MED15: variants seen among roughly 807,000 people sequenced by gnomAD.
MED15 encodes the protein mediator of RNA polymerase II transcription subunit 15.
A neutral mutation model predicts 118.7 loss-of-function variants in MED15; 41 were observed. That is an observed-to-expected ratio of 0.35 (90% CI 0.27 to 0.45). The LOEUF is 0.45. MED15 is among the 20% of genes least tolerant of loss of function. The pLI, the probability that MED15 is intolerant of heterozygous loss-of-function variation, is 1.00. For synonymous variants in MED15, 436 were observed against 413.9 expected (o/e 1.05, Z -0.65); for missense variants, 740 against 1,025.5 (o/e 0.72, Z 3.80).
In MED15 at chr22:20,584,337, C is replaced by T. The variant is rs1180477748; in HGVS notation, c.1737-22C>T. On this transcript the variant is annotated intron_variant, in intron 13 of 17. Transcript: ENST00000263205. ...ACTGCCATGTCTTCCACTCTTTCAG[C>T]CCAAGTCCTCTCTCTCTGCAGGTGT... 1.2e-5 allele frequency: 19 copies of T among 1,612,592 alleles called. No homozygotes were observed. The South Asian group carries it at 2.0e-4, about 17-fold the overall frequency.
At chr22:20,544,958 A>G (rs746115707) in intron 2 of MED15, among the ~76,000 whole-genome samples, 25 of 152,134 alleles carry the variant, frequency 1.6e-4, no homozygotes, top group Admixed American at 2.0e-4. Context: ...GATACATGCA[A>G]TTGCACTTGG....
At chr22:20,535,839 G>C (rs182479125) in intron 1 of MED15, among the ~76,000 whole-genome samples, 13 of 149,066 alleles carry the variant, frequency 8.7e-5, no homozygotes, top group South Asian at 2.1e-4. Context: ...GACTACAGGC[G>C]TGAGCCACCG....
rs539002398 is a variant in MED15, at chr22:20,519,949, T to A, written c.68+12203T>A. On this transcript the variant is annotated intron_variant, in intron 1 of 17. Transcript: ENST00000263205. ...TGTCTTTTTAATTTTAATTTTTTTT[T>A]AACTAGCCCTTCTCTTTGGCAGGAT... is the stretch of plus-strand genomic sequence containing the variant. Among the ~76,000 whole-genome samples the A allele has an allele frequency of 1.9e-4, 29 of 152,312 alleles. 1 individual carries two copies. The highest frequency in any genetic ancestry group is 7.0e-4 in the African/African-American group (29 of 41,568).
intron 1 of MED15, among the ~76,000 whole-genome samples, chr22:20,516,409 T>C (rs2054260621): frequency 1.3e-5 from 2 of 152,046 alleles, no homozygotes; most frequent in African/African-American, 4.8e-5. Context: ...CTTTTATTTG[T>C]TTTTGTTTTT....
chr22:20,508,788 A>G (rs1310083290), intron 1 of MED15, among the ~76,000 whole-genome samples: 1 of 152,174 alleles, frequency 6.6e-6, no homozygotes, highest in Non-Finnish European at 1.5e-5. Context: ...GTATACGTGC[A>G]AGTCACAGGG....
At position 20,564,477 on chromosome 22, in the gene MED15, T is replaced by TGCA. The variant is rs1251108463; in HGVS notation, c.492_494dup (p.Gln168dup). 3.8e-5 allele frequency: 62 copies of TGCA among 1,612,556 alleles called. No individual in the cohort carries two copies. Among genetic ancestry groups the TGCA allele is most frequent in the Middle Eastern group, 3.3e-4 (2 of 6,008 alleles). ...CAGCTGCAGCTCCAGCAGGTGGCGC[T>TGCA]GCAGCAGCAGCAGCAACAGCAGCAG... On this transcript the variant is annotated inframe_insertion, in exon 6 of 18. Transcript: ENST00000263205.
At chr22:20,542,697 G>C (rs1184375870) in intron 2 of MED15, among the ~76,000 whole-genome samples, 1 of 152,122 alleles carries the variant, frequency 6.6e-6, no homozygotes. Context: ...TAAAATTTTG[G>C]GAGTTCTTCT....
intron 5 of MED15, among the ~76,000 whole-genome samples, chr22:20,560,463 C>T (rs2056191362): frequency 6.6e-6 from 1 of 152,154 alleles, no homozygotes; most frequent in Non-Finnish European, 1.5e-5. Flanking sequence ...CGGGGTTTCA[C>T]CATGTTGGCC....
rs566386195 is a variant in MED15, at chr22:20,525,694, G to A, written c.69-11423G>A. Reference sequence around the variant, plus strand: ...AGAGATTACAGGCATGCACCACCACGCCTGGCTAATTTTGTATTTTTAGTA... The same window carrying A: ...AGAGATTACAGGCATGCACCACCACACCTGGCTAATTTTGTATTTTTAGTA... On this transcript the variant is annotated intron_variant, in intron 1 of 17. Coordinates refer to ENST00000263205, the MANE Select transcript of MED15 (RefSeq NM_001003891.3). Among the ~76,000 whole-genome samples the A allele has an allele frequency of 9.6e-4, 145 of 151,524 alleles. 1 individual carries two copies. In the South Asian group the frequency reaches 0.021, roughly 22 times the overall value.
intron 1 of MED15, among the ~76,000 whole-genome samples, chr22:20,520,451 G>A (rs914898356): frequency 2.6e-5 from 4 of 152,242 alleles, no homozygotes; most frequent in African/African-American, 9.6e-5. Context: ...TTTGATTCGT[G>A]TGAGGGAGAA....
Position 20,566,520 on chromosome 22 carries a change from A to G in MED15, c.744A>G (p.Gln248=), listed in dbSNP as rs1328040846. ...GAATAGCACAGCTGCAGCTCCAACAACAGCAACAGCAGCAGCAGCAGCAGC... is the reference window on the plus strand; with the variant it reads ...GAATAGCACAGCTGCAGCTCCAACAGCAGCAACAGCAGCAGCAGCAGCAGC... ...LQRIAQLQLQ[Q]QQQQQQQQQQ... is the part of the protein sequence containing the mutation. Residue 248 remains glutamine (Q), a synonymous_variant, in exon 7 of 18, where the codon CAA becomes CAG. Transcript: ENST00000263205. The G allele has an allele frequency of 9.4e-6, 15 of 1,603,380 alleles. No homozygotes were observed. Among genetic ancestry groups the G allele is most frequent in the Non-Finnish European group, 1.7e-6 (2 of 1,174,296 alleles).
intron 16 of MED15, chr22:20,585,497 T>G: frequency 1.4e-6 from 1 of 714,122 alleles, no homozygotes; most frequent in South Asian, 1.9e-5. Context: ...AGATGTGGCT[T>G]TGCTTGCCTG....
At chr22:20,557,593 T>C (rs543592021) in intron 5 of MED15, among the ~76,000 whole-genome samples, 15 of 152,312 alleles carry the variant, frequency 9.8e-5, no homozygotes, top group Admixed American at 4.6e-4. Context: ...ATCATGAGCT[T>C]ATACTTGATA....
At chr22:20,573,465 T>C (rs1320630345) in intron 8 of MED15, among the ~76,000 whole-genome samples, 3 of 152,186 alleles carry the variant, frequency 2.0e-5, no homozygotes, top group African/African-American at 7.2e-5. Context: ...CTCTCTCTTT[T>C]TGCTGGACCC....
intron 2 of MED15, chr22:20,550,893 C>A (rs895772564): frequency 2.9e-6 from 1 of 346,996 alleles, no homozygotes; most frequent in South Asian, 2.2e-5. Flanking sequence ...CTTGCCTGTG[C>A]GTAAATGGAG....
chr22:20,584,755 G>A (rs372440729), intron 14 of MED15, 100 bp from the exon 15 acceptor site: 1 of 1,439,392 alleles, frequency 6.9e-7, no homozygotes, highest in Non-Finnish European at 9.5e-7. Context: ...AGAGGCCTCG[G>A]GAATCTGACT....
At chr22:20,551,624 G>A in intron 3 of MED15, 137 bp downstream of exon 3, 2 of 806,054 alleles carry the variant, frequency 2.5e-6, no homozygotes, top group Non-Finnish European at 4.3e-6. Flanking sequence ...CTTCTGGGAA[G>A]TTCTTCACTG....
intron 2 of MED15, among the ~76,000 whole-genome samples, chr22:20,550,302 C>A (rs1455978696): frequency 6.6e-6 from 1 of 152,152 alleles, no homozygotes; most frequent in Non-Finnish European, 1.5e-5. Flanking sequence ...CTTGGTGTCC[C>A]CTTGTTCTGG....
At position 20,554,988 on chromosome 22, in the gene MED15, T is replaced by A; in HGVS notation, c.291T>A (p.Ala97=). 3 of 1,611,694 alleles carry A rather than the reference T, an allele frequency of 1.9e-6. No homozygotes were observed. The highest frequency in any genetic ancestry group is 1.7e-5 in the Admixed American group (1 of 60,016). ...SLTGGPAAGA[A]GIGMPPRGPG... ...CTGGCGGACCTGCTGCGGGAGCCGC[T>A]GGAATTGGCATGCCTCCTCGGGGCC... Residue 97 remains alanine (A), a synonymous_variant, in exon 5 of 18, where the codon GCT becomes GCA. Coordinates refer to ENST00000263205, the MANE Select transcript of MED15 (RefSeq NM_001003891.3).
Sources: allele counts gnomAD v4.1 joint callset (sites outside exome capture counted in the v4.1 genomes callset), GRCh38; gene constraint gnomAD v4.1.1; transcripts MANE v1.5; gene names NCBI Gene and HGNC (gene_info 2026-07-23, HGNC 2026-07-21).